Variants in BHMT observed in about 807,000 individuals in gnomAD.
BHMT encodes betaine--homocysteine S-methyltransferase.
In BHMT, 38 loss-of-function variants were observed where a neutral mutation model predicts 49.5. The ratio of observed to expected loss-of-function variants is 0.77; its 90% CI spans 0.59 to 1.01. BHMT has a LOEUF of 1.01. BHMT is among the 50% of genes least tolerant of loss of function. The pLI is 0.00. For missense variants in BHMT, 426 were observed against 495.7 expected, an observed-to-expected ratio of 0.86 and a Z score of 1.34; for synonymous variants, 166 against 176.3, an observed-to-expected ratio of 0.94 and a Z score of 0.46.
At chr5:79,126,970 T>G (rs1164807098) in intron 6 of BHMT, among the ~76,000 whole-genome samples, 1 of 152,176 alleles carries the variant, frequency 6.6e-6, no homozygotes, top group Admixed American at 6.5e-5. Flanking sequence ...AGTAAGATAT[T>G]ATAAAATACA....
Position 79,131,065 on chromosome 5 carries a change from T to C in BHMT, c.1170T>C (p.Thr390=). The C allele has an allele frequency of 6.8e-6, 11 of 1,613,654 alleles. No homozygotes were observed. The highest frequency in any genetic ancestry group is 9.3e-6 in the Non-Finnish European group (11 of 1,179,806). The stretch of plus-strand genomic sequence containing the variant: ...TGATGCAGCAGAAAGAAGCCACAAC[T>C]GAGCAGCAGCTGAAAGAGCTCTTTG... ...AELMQQKEAT[T]EQQLKELFEK... Residue 390 remains threonine, a synonymous_variant, in exon 8 of 8, where the codon ACT becomes ACC. Coordinates refer to ENST00000274353, the MANE Select transcript of BHMT (RefSeq NM_001713.3).
In BHMT at chr5:79,131,414, G is replaced by A. The variant is rs543154933; in HGVS notation, c.*298G>A. The stretch of plus-strand genomic sequence containing the variant: ...CAGGAAAAGTAATTCAGATGTTAAT[G>A]CCACTTGAAGAAGTTGGTAGGCTAG... On this transcript the variant is annotated 3_prime_UTR_variant, in exon 8 of 8. Transcript: ENST00000274353. 74 of 236,546 alleles carry A rather than the reference G, an allele frequency of 3.1e-4. No homozygotes were observed. Among genetic ancestry groups the A allele is most frequent in the Non-Finnish European group, 4.8e-4 (59 of 122,582 alleles). 14.7% of individuals were successfully genotyped at this position (236,546 alleles called of 1,614,324 possible). A position where few individuals can be genotyped will look rare whatever the true frequency, so the allele number is the denominator to read the frequency against.
At position 79,130,936 on chromosome 5, in the gene BHMT, C is replaced by G. The variant is rs1214620560; in HGVS notation, c.1041C>G (p.Ala347=). 1 of 1,610,598 alleles carries G rather than the reference C, an allele frequency of 6.2e-7. No homozygotes were observed. ...GTCATGTGTTTTGTTCACACAGGGC[C>G]AGGAAGGAATACTGGGAGAATCTTC... ...MHTKPWVRAR[A]RKEYWENLRI... The change falls in exon 8 of 8, where the codon GCC becomes GCG. Residue 347 remains alanine (A), a synonymous_variant. Transcript: ENST00000274353.
At chr5:79,115,088 A>C (rs1451763563) in intron 1 of BHMT, among the ~76,000 whole-genome samples, 2 of 152,166 alleles carry the variant, frequency 1.3e-5, no homozygotes, top group East Asian at 3.9e-4. Context: ...TGTATAGCAT[A>C]GCTACTGTTG....
At chr5:79,125,990 T>G in intron 5 of BHMT, 56 bp from the exon 6 acceptor site, 1 of 1,518,786 alleles carries the variant, frequency 6.6e-7, no homozygotes, top group Admixed American at 2.0e-5. Context: ...AGAGGAGAGC[T>G]GGCCCTGCTG....
intron 4 of BHMT, 35 bp from the exon 5 acceptor site, chr5:79,121,183 G>T: frequency 1.3e-6 from 2 of 1,580,690 alleles, no homozygotes; most frequent in South Asian, 2.3e-5. Context: ...TGGGAGAAAC[G>T]AGATTAAAAG....
Position 79,127,860 on chromosome 5 carries a change from A to G in BHMT, c.914A>G (p.Tyr305Cys). The G allele has an allele frequency of 6.2e-7, 1 of 1,614,096 alleles. No homozygotes were observed. Among genetic ancestry groups the G allele is most frequent in the Non-Finnish European group, 8.5e-7 (1 of 1,180,008 alleles). Residue 305 changes from tyrosine (Y) to cysteine (C), a missense_variant, in exon 7 of 8, where the codon TAC (tyrosine) becomes TGC (cysteine). Tyr to Cys is a radical substitution (Grantham distance 194). Transcript: ENST00000274353. ...YIGGCCGFEPYHIRAIAEELA... is the reference protein window; with the variant it reads ...YIGGCCGFEPCHIRAIAEELA... ...GGCGGGTGCTGTGGATTTGAGCCCT[A>G]CCACATCAGGGCAATTGCAGAGGAG...
intron 1 of BHMT, 110 bp downstream of exon 1, chr5:79,112,028 C>T: frequency 8.2e-7 from 1 of 1,213,546 alleles, no homozygotes; most frequent in East Asian, 3.0e-5. Flanking sequence ...ACCCATCATC[C>T]TCCTACTCCC....
chr5:79,129,991 T>C (rs1485169345), intron 7 of BHMT, among the ~76,000 whole-genome samples: 1 of 152,170 alleles, frequency 6.6e-6, no homozygotes, highest in Non-Finnish European at 1.5e-5. Flanking sequence ...AAACCCTGTC[T>C]CTACAAAAAG....
chr5:79,124,184 G>A (rs2112729652), intron 5 of BHMT, among the ~76,000 whole-genome samples: 1 of 151,888 alleles, frequency 6.6e-6, no homozygotes, highest in East Asian at 1.9e-4. Context: ...TTCTCTTTGG[G>A]GTATCGAAAA....
At chr5:79,128,040 G>C (rs1392228058) in intron 7 of BHMT, 57 bp downstream of exon 7, 1 of 1,541,412 alleles carries the variant, frequency 6.5e-7, no homozygotes, top group African/African-American at 1.4e-5. Flanking sequence ...TTCAAGTGAG[G>C]CCATTTAGAA....
In BHMT at chr5:79,132,022, T is replaced by TA. The variant is rs1756650664; in HGVS notation, c.*912dup. On this transcript the variant is annotated 3_prime_UTR_variant, in exon 8 of 8. Transcript: ENST00000274353. ...TGAGCTTGTATTAGTTGGTAGCTTT[T>TA]AAAAAATATAATAAGAAAAAAGTAG... The TA allele has an allele frequency of 6.6e-6, 1 of 152,182 alleles. No homozygotes were observed. Among genetic ancestry groups the TA allele is most frequent in the African/African-American group, 2.4e-5 (1 of 41,450 alleles). The allele number at this position is 152,182 out of a possible 1,614,324, so 9.4% of individuals were successfully genotyped here.
At chr5:79,119,856 G>T (rs1038363516) in intron 3 of BHMT, among the ~76,000 whole-genome samples, 5 of 152,226 alleles carry the variant, frequency 3.3e-5, no homozygotes, top group South Asian at 2.1e-4. Context: ...CTTTTTGTTT[G>T]TTGAGCATAA....
Position 79,126,070 on chromosome 5 carries a change from G to A in BHMT, c.650G>A (p.Cys217Tyr). 6.2e-7 allele frequency: 1 copy of A among 1,607,138 alleles called. No individual in the cohort carries two copies. The highest frequency in any genetic ancestry group is 8.5e-7 in the Non-Finnish European group (1 of 1,174,146). The change falls in exon 6 of 8, where the codon TGC becomes TAC. Residue 217 changes from cysteine to tyrosine, a missense_variant. Cys to Tyr is a radical substitution (Grantham distance 194). Coordinates refer to ENST00000274353, the MANE Select transcript of BHMT (RefSeq NM_001713.3). ...KAGASIIGVN[C>Y]HFDPTISLKT... ...GGAGCATCCATCATTGGTGTGAACT[G>A]CCACTTTGACCCCACCATTAGTTTA...
At chr5:79,112,362 A>T (rs945966238) in intron 1 of BHMT, among the ~76,000 whole-genome samples, 2 of 152,194 alleles carry the variant, frequency 1.3e-5, no homozygotes, top group Non-Finnish European at 2.9e-5. Context: ...CAGGCGCGAT[A>T]TCCCGTCCCC....
intron 7 of BHMT, 44 bp from the exon 8 acceptor site, chr5:79,130,889 G>A (rs1756627785): frequency 6.7e-7 from 1 of 1,490,562 alleles, no homozygotes; most frequent in Non-Finnish European, 9.0e-7. Flanking sequence ...ACCAAAGCTA[G>A]GGGAGGAGTC....
chr5:79,128,229 T>A (rs1756582163), intron 7 of BHMT: 1 of 536,602 alleles, frequency 1.9e-6, no homozygotes, highest in Non-Finnish European at 3.1e-6. Context: ...AAAAATTGTT[T>A]TTAAATATAG....
intron 1 of BHMT, among the ~76,000 whole-genome samples, chr5:79,115,361 C>T (rs1356653788): frequency 7.0e-6 from 1 of 142,292 alleles, no homozygotes; most frequent in Admixed American, 7.4e-5. Flanking sequence ...ATTTTTTAAC[C>T]CTCTCTTTAG....
At chr5:79,126,501 T>C (rs1756555950) in intron 6 of BHMT, among the ~76,000 whole-genome samples, 1 of 152,176 alleles carries the variant, frequency 6.6e-6, no homozygotes, top group South Asian at 2.1e-4. Context: ...TAGTGAGTCA[T>C]ACTTTGGGGT....
Sources: allele counts gnomAD v4.1 joint callset (sites outside exome capture counted in the v4.1 genomes callset), GRCh38; gene constraint gnomAD v4.1.1; transcripts MANE v1.5; gene names NCBI Gene and HGNC (gene_info 2026-07-23, HGNC 2026-07-21).